Variants in YTHDF3 observed in about 807,000 individuals in gnomAD.
YTHDF3 encodes YTH domain-containing family protein 3.
In YTHDF3, 9 loss-of-function variants were observed where a neutral mutation model predicts 52.5. The observed-to-expected ratio is 0.17, with a 90% CI of 0.10 to 0.30. The LOEUF (loss-of-function observed/expected upper bound fraction) is 0.30. Among genes scored for constraint, YTHDF3 ranks in the 10% least tolerant of loss-of-function variants. YTHDF3 has a pLI of 1.00. For missense variants in YTHDF3, 534 were observed against 715.0 expected (o/e 0.75, Z 2.89); for synonymous variants, 274 against 243.3 (o/e 1.13, Z -1.18).
intron 2 of YTHDF3, among the ~76,000 whole-genome samples, chr8:63,170,397 T>C (rs546394607): frequency 6.6e-6 from 1 of 152,342 alleles, no homozygotes; most frequent in African/African-American, 2.4e-5. Context: ...TTTGGATATG[T>C]AGATTAGTTT....
At position 63,211,908 on chromosome 8, in the gene YTHDF3, T is replaced by C. The variant is rs571718552; in HGVS notation, c.*2202T>C. 1.3e-5 allele frequency: 2 copies of C among 152,736 alleles called. No homozygotes were observed. Among genetic ancestry groups the C allele is most frequent in the East Asian group, 3.9e-4 (2 of 5,188 alleles). The allele number at this position is 152,736 out of a possible 1,614,324, so 9.5% of individuals were successfully genotyped here. A position where few individuals can be genotyped will look rare whatever the true frequency, so the allele number is the denominator to read the frequency against. ...GTGATAATTTTGTGTTTTTCTCATA[T>C]AAGTTTTCTCCAGAGCACCCACCTT... On this transcript the variant is annotated 3_prime_UTR_variant, in exon 5 of 5. Transcript: ENST00000539294.
At position 63,175,317 on chromosome 8, in the gene YTHDF3, A is replaced by C; in HGVS notation, c.50-14A>C. ...AAGATAACTACAACACTTCTAATACAAACATTTTTTTAGTTTCAGTACAAA... is the reference window on the plus strand; with the variant it reads ...AAGATAACTACAACACTTCTAATACCAACATTTTTTTAGTTTCAGTACAAA... On this transcript the variant is annotated splice_polypyrimidine_tract_variant and intron_variant, in intron 2 of 4. Transcript: ENST00000539294. 1 of 1,591,112 alleles carries C rather than the reference A, an allele frequency of 6.3e-7. No homozygotes were observed. The highest frequency in any genetic ancestry group is 1.3e-5 in the African/African-American group (1 of 74,718).
intron 4 of YTHDF3, among the ~76,000 whole-genome samples, chr8:63,201,476 A>T (rs1247252655): frequency 6.6e-6 from 1 of 152,118 alleles, no homozygotes; most frequent in Non-Finnish European, 1.5e-5. Flanking sequence ...TTAACAGTTA[A>T]CATGCATAAA....
At chr8:63,208,086 A>G (rs1265543231) in intron 4 of YTHDF3, among the ~76,000 whole-genome samples, 1 of 152,112 alleles carries the variant, frequency 6.6e-6, no homozygotes, top group African/African-American at 2.4e-5. Context: ...CTTGAAATGT[A>G]CTTAATCTAG....
intron 2 of YTHDF3, 94 bp downstream of exon 2, chr8:63,169,505 T>C: frequency 7.3e-7 from 1 of 1,377,448 alleles, no homozygotes; most frequent in Non-Finnish European, 1.0e-6. Context: ...TTGCTCCCTC[T>C]TGGGAAAAAA....
chr8:63,179,993 C>T (rs1807987531), intron 3 of YTHDF3, among the ~76,000 whole-genome samples: 1 of 149,986 alleles, frequency 6.7e-6, no homozygotes, highest in African/African-American at 2.5e-5. Flanking sequence ...CCACCTCCCT[C>T]CCGGATGGGG....
chr8:63,172,578 G>T (rs769320202), intron 2 of YTHDF3: 2 of 395,636 alleles, frequency 5.1e-6, no homozygotes, highest in Non-Finnish European at 8.9e-6. Context: ...CATTATTTTA[G>T]GCTTCATTTT....
chr8:63,172,645 T>G (rs1807406223), intron 2 of YTHDF3: 1 of 539,198 alleles, frequency 1.9e-6, no homozygotes, highest in Non-Finnish European at 2.8e-6. Flanking sequence ...TTGTCGCTGT[T>G]TTTGTAGGTG....
intron 4 of YTHDF3, among the ~76,000 whole-genome samples, chr8:63,193,448 A>G (rs983676873): frequency 4.5e-4 from 68 of 151,362 alleles, no homozygotes; most frequent in Non-Finnish European, 3.1e-4. Flanking sequence ...AACTTAACTG[A>G]CTAAAGATTT....
intron 2 of YTHDF3, among the ~76,000 whole-genome samples, chr8:63,175,035 A>G (rs191239964): frequency 2.3e-4 from 35 of 152,278 alleles, no homozygotes; most frequent in South Asian, 8.3e-4. Context: ...TTATGTAACA[A>G]TTTACTCACT....
chr8:63,205,366 T>C (rs1809956571), intron 4 of YTHDF3, among the ~76,000 whole-genome samples: 1 of 152,178 alleles, frequency 6.6e-6, no homozygotes, highest in African/African-American at 2.4e-5. Flanking sequence ...AACTATACAG[T>C]ACCTCATTTT....
At chr8:63,209,074 G>T (rs1810217198) in intron 4 of YTHDF3, among the ~76,000 whole-genome samples, 1 of 150,020 alleles carries the variant, frequency 6.7e-6, no homozygotes, top group Non-Finnish European at 1.5e-5. Flanking sequence ...CATCATGTTG[G>T]TCAGGCTGAT....
intron 4 of YTHDF3, among the ~76,000 whole-genome samples, chr8:63,207,430 A>G (rs1810104532): frequency 6.6e-6 from 1 of 152,118 alleles, no homozygotes; most frequent in African/African-American, 2.4e-5. Flanking sequence ...AAACGTGTAA[A>G]TGATACAAAT....
chr8:63,187,400 A>T lies in YTHDF3; in HGVS notation c.1389A>T (p.Leu463Phe). ...RSLNGKGPLY[L>F]LFSVNGSGHF... ...TGAATGGGAAAGGCCCACTCTATTT[A>T]CTCTTCAGTGTGAATGGCAGTGGAC... Residue 463 changes from leucine to phenylalanine, a missense_variant, in exon 4 of 5, where the codon TTA (leucine) becomes TTT (phenylalanine). Around this residue, in one of 3 missense-constraint regions of YTHDF3, gnomAD observed 135 missense variants for 214.2 expected, o/e 0.63. Transcript: ENST00000539294. The T allele has an allele frequency of 1.2e-6, 2 of 1,613,712 alleles. No individual in the cohort carries two copies. The highest frequency in any genetic ancestry group is 1.7e-6 in the Non-Finnish European group (2 of 1,179,842).
chr8:63,193,320 A>G (rs1413406910), intron 4 of YTHDF3, among the ~76,000 whole-genome samples: 1 of 150,030 alleles, frequency 6.7e-6, no homozygotes, highest in African/African-American at 2.5e-5. Flanking sequence ...GGATTGCAGT[A>G]AGCCAGGATT....
In YTHDF3 at chr8:63,174,877, T is replaced by C. The variant is rs1807581960; in HGVS notation, c.50-454T>C. ...TTACTATAACAAATTAGATCGAAAA[T>C]AGTTATTTCATTCTTTATTATACTA... On this transcript the variant is annotated intron_variant, in intron 2 of 4. Coordinates refer to ENST00000539294, the MANE Select transcript of YTHDF3 (RefSeq NM_152758.6). 5.3e-5 allele frequency among the ~76,000 whole-genome samples: 8 copies of C among 152,304 alleles called. No homozygotes were observed. In the South Asian group the frequency reaches 1.4e-3, roughly 28 times the overall value.
At chr8:63,170,099 A>G (rs1807201364) in intron 2 of YTHDF3, among the ~76,000 whole-genome samples, 2 of 152,232 alleles carry the variant, frequency 1.3e-5, no homozygotes, top group Non-Finnish European at 2.9e-5. Flanking sequence ...GGAACAGTGC[A>G]GTCAGCTGAC....
intron 4 of YTHDF3, among the ~76,000 whole-genome samples, chr8:63,205,369 C>T (rs1809957062): frequency 1.3e-5 from 2 of 151,912 alleles, no homozygotes; most frequent in African/African-American, 4.8e-5. Context: ...TATACAGTAC[C>T]TCATTTTATA....
At chr8:63,204,995 T>G (rs1809924210) in intron 4 of YTHDF3, among the ~76,000 whole-genome samples, 1 of 152,200 alleles carries the variant, frequency 6.6e-6, no homozygotes, top group Non-Finnish European at 1.5e-5. Flanking sequence ...TTTCATAGTT[T>G]GAAGACTAGG....
Sources: allele counts gnomAD v4.1 joint callset (sites outside exome capture counted in the v4.1 genomes callset), GRCh38; gene constraint gnomAD v4.1.1; regional missense constraint gnomAD v4.1.1; transcripts MANE v1.5; gene names NCBI Gene and HGNC (gene_info 2026-07-23, HGNC 2026-07-21).